Variants in CCDC180 observed in about 807,000 individuals in gnomAD.
The protein encoded by CCDC180 is coiled-coil domain containing 180.
A neutral mutation model predicts 209.2 loss-of-function variants in CCDC180; 154 were observed. That is an observed-to-expected ratio of 0.74 (90% CI 0.65 to 0.84). CCDC180 has a LOEUF of 0.84. Ranked by LOEUF, CCDC180 falls within the 40% of genes least tolerant of loss-of-function variation. The pLI is 0.00. For missense variants in CCDC180, 1,874 were observed against 1,997.3 expected, an observed-to-expected ratio of 0.94 and a Z score of 1.18; for synonymous variants, 778 against 749.1, an observed-to-expected ratio of 1.04 and a Z score of -0.63.
chr9:97,317,235 G>T lies in CCDC180; in HGVS notation c.959+7G>T. The T allele has an allele frequency of 6.4e-7, 1 of 1,572,782 alleles. No homozygotes were observed. Among genetic ancestry groups the T allele is most frequent in the Non-Finnish European group, 8.7e-7 (1 of 1,151,690 alleles). On this transcript the variant is annotated splice_region_variant and intron_variant, in intron 9 of 36. Transcript: ENST00000529487. ...CCCTGCTGCAGAGTTTCAGGTCAGT[G>T]CCGCCCACACAGCTCCTTCTCCAGC...
chr9:97,344,952 T>C (rs961704142), intron 19 of CCDC180, among the ~76,000 whole-genome samples: 5 of 152,222 alleles, frequency 3.3e-5, no homozygotes, highest in Non-Finnish European at 7.3e-5. Context: ...TGCTTATTTT[T>C]TCACTTTATC....
rs769399648 is a variant in CCDC180, at chr9:97,330,480, TC to T, written c.1989del (p.Phe664SerfsTer2). 1 of 1,613,878 alleles carries T rather than the reference TC, an allele frequency of 6.2e-7. No individual in the cohort carries two copies. The highest frequency in any genetic ancestry group is 1.1e-5 in the South Asian group (1 of 91,060). On this transcript the variant is annotated frameshift_variant, in exon 18 of 37. Coordinates refer to ENST00000529487, the MANE Select transcript of CCDC180 (RefSeq NM_020893.6). LOFTEE classifies it high-confidence loss of function. The stretch of plus-strand genomic sequence containing the variant: ...AGAAGAAAACGATCAAGAAATGGAG[TC>T]CTTCATAACTGAAGAGGTGCTGGGG... The part of the protein sequence containing the change: ...VEEENDQEME[S>X]FITEEVLGQQ...
chr9:97,308,088 CA>C lies in CCDC180; in HGVS notation c.26del (p.Gln9ArgfsTer34). On this transcript the variant is annotated frameshift_variant, in exon 2 of 37. Coordinates refer to ENST00000529487, the MANE Select transcript of CCDC180 (RefSeq NM_020893.6). LOFTEE classifies it high-confidence loss of function. ...GATGTCGTCAGTGGGGAAGGTGACC[CA>C]GGTTCCGAATGGGAAAGCCTACCAG... MSSVGKVT[Q>X]VPNGKAYQQI... 6.2e-7 allele frequency: 1 copy of C among 1,613,106 alleles called. No homozygotes were observed. Among genetic ancestry groups the C allele is most frequent in the Non-Finnish European group, 8.5e-7 (1 of 1,179,582 alleles).
At chr9:97,325,315 A>C in intron 14 of CCDC180, 123 bp downstream of exon 14, 1 of 1,027,500 alleles carries the variant, frequency 9.7e-7, no homozygotes, top group Non-Finnish European at 1.4e-6. Flanking sequence ...ATTGAGGCTC[A>C]CGTTGGTCAT....
At chr9:97,370,914 T>C in intron 33 of CCDC180, 136 bp downstream of exon 33, 1 of 676,378 alleles carries the variant, frequency 1.5e-6, no homozygotes, top group Non-Finnish European at 2.3e-6. Flanking sequence ...GTTTTGTAGG[T>C]AAAAATGGCC....
chr9:97,354,430 GCTAT>G, intron 22 of CCDC180, 135 bp from the exon 23 acceptor site: 1 of 817,832 alleles, frequency 1.2e-6, no homozygotes, highest in Non-Finnish European at 1.9e-6. Context: ...CTGTCCTTAA[GCTAT>G]CTGTGTTCAT....
In CCDC180 at chr9:97,323,337, A is replaced by G. The variant is rs76140201; in HGVS notation, c.1248+416A>G. Among the ~76,000 whole-genome samples the G allele has an allele frequency of 7.6e-3, 1,157 of 152,066 alleles. 26 individuals carry two copies. The highest frequency in any genetic ancestry group is 0.027 in the African/African-American group (1,102 of 41,458). ...AGGTCATGTCCTGGGGGTTATTGCA[A>G]TGCGCCCCCTTCATAGATAGGCCTG... On this transcript the variant is annotated intron_variant, in intron 12 of 36. Transcript: ENST00000529487.
At chr9:97,346,194 G>A (rs1407574319) in intron 19 of CCDC180, among the ~76,000 whole-genome samples, 3 of 152,098 alleles carry the variant, frequency 2.0e-5, no homozygotes, top group Non-Finnish European at 4.4e-5. Flanking sequence ...ATGACTTCAC[G>A]CTGCTTTATT....
chr9:97,347,465 A>G lies in CCDC180; in HGVS notation c.2650A>G (p.Lys884Glu), dbSNP rs185827244. ...CCAGCCAAGAGCCCAGCAGATTGAA[A>G]AAGACATCCACAACGTCAGGGCAGG... The part of the protein sequence containing the change: ...LHQPRAQQIE[K>E]DIHNVRAAEL... Residue 884 changes from lysine (K) to glutamate (E), a missense_variant, in exon 20 of 37, where the codon AAA (lysine) becomes GAA (glutamate). Coordinates refer to ENST00000529487, the MANE Select transcript of CCDC180 (RefSeq NM_020893.6). 3.3e-5 allele frequency: 50 copies of G among 1,536,134 alleles called. No homozygotes were observed. The highest frequency in any genetic ancestry group is 1.8e-4 in the Admixed American group (9 of 51,002).
chr9:97,325,357 G>C, intron 14 of CCDC180, among the ~76,000 whole-genome samples, 165 bp downstream of exon 14: 1 of 152,168 alleles, frequency 6.6e-6, no homozygotes, highest in East Asian at 1.9e-4. Context: ...AAATCTCCTG[G>C]AACCAAATGT....
Position 97,366,204 on chromosome 9 carries a change from C to T in CCDC180, c.4048-355C>T, listed in dbSNP as rs564066458. On this transcript the variant is annotated intron_variant, in intron 30 of 36. Transcript: ENST00000529487. This position sits in a 1 kb window ranked among gnomAD's most constrained non-coding sequence, Gnocchi z 4.3. Reference sequence around the variant, plus strand: ...CTCCTTCAGGGCAGGGTCCCTGGCTCGCCCGTCTTTGTGGCCTGCAGCCTA... The same window carrying T: ...CTCCTTCAGGGCAGGGTCCCTGGCTTGCCCGTCTTTGTGGCCTGCAGCCTA... 4.6e-5 allele frequency among the ~76,000 whole-genome samples: 7 copies of T among 152,372 alleles called. No homozygotes were observed. The South Asian group carries it at 8.3e-4, about 18-fold the overall frequency.
Position 97,376,874 on chromosome 9 carries a change from A to T in CCDC180, c.4954A>T (p.Ile1652Phe), listed in dbSNP as rs567880981. The T allele has an allele frequency of 6.2e-7, 1 of 1,612,424 alleles. No individual in the cohort carries two copies. The highest frequency in any genetic ancestry group is 1.3e-5 in the African/African-American group (1 of 75,002). ...KDSWKQSLHT[I>F]QGLYV The stretch of plus-strand genomic sequence containing the variant: ...CAGCTGGAAGCAGTCCCTGCACACT[A>T]TCCAAGGCCTGTATGTGTGACCCTC... Residue 1652 changes from isoleucine (I) to phenylalanine (F), a missense_variant, in exon 37 of 37, where the codon ATC becomes TTC. Physicochemically the swap from Ile to Phe is conservative, Grantham distance 21. Transcript: ENST00000529487.
intron 17 of CCDC180, 37 bp from the exon 18 acceptor site, chr9:97,330,285 T>C (rs1482636310): frequency 1.9e-6 from 3 of 1,612,074 alleles, no homozygotes; most frequent in Middle Eastern, 1.6e-4. Context: ...CATCAGTAAA[T>C]TGTCTCTCCT....
intron 21 of CCDC180, among the ~76,000 whole-genome samples, chr9:97,349,646 A>G (rs1048557156): frequency 6.6e-6 from 1 of 152,324 alleles, no homozygotes; most frequent in South Asian, 2.1e-4. Context: ...CCCTGAATGG[A>G]GAAAGATGGG....
chr9:97,321,902 G>A (rs1012354824), intron 11 of CCDC180, among the ~76,000 whole-genome samples: 1 of 152,206 alleles, frequency 6.6e-6, no homozygotes, highest in African/African-American at 2.4e-5. Flanking sequence ...AGACAGGGCT[G>A]GGGCCTTTGG....
Position 97,354,981 on chromosome 9 carries a change from G to A in CCDC180, c.3237G>A (p.Thr1079=), listed in dbSNP as rs773062164. Residue 1079 remains threonine, a synonymous_variant, in exon 24 of 37, where the codon ACG becomes ACA. Transcript: ENST00000529487. ...TAGAGAAAATCCAGCGGTTGCTGACGAATCTGCAAGTGAAAATCAAGTGCC... is the reference window on the plus strand; with the variant it reads ...TAGAGAAAATCCAGCGGTTGCTGACAAATCTGCAAGTGAAAATCAAGTGCC... The part of the protein sequence containing the change: ...IFIEKIQRLL[T]NLQVKIKCQV... The A allele has an allele frequency of 5.0e-6, 8 of 1,612,650 alleles. No individual in the cohort carries two copies. The highest frequency in any genetic ancestry group is 1.3e-5 in the African/African-American group (1 of 74,998).
intron 8 of CCDC180, 36 bp from the exon 9 acceptor site, chr9:97,317,029 T>G: frequency 6.4e-7 from 1 of 1,568,818 alleles, no homozygotes; most frequent in African/African-American, 1.3e-5. Context: ...AGAGAGACCC[T>G]GCCCTGTCTA....
intron 32 of CCDC180, 27 bp from the exon 33 acceptor site, chr9:97,370,614 A>C: frequency 6.2e-7 from 1 of 1,611,016 alleles, no homozygotes; most frequent in Non-Finnish European, 8.5e-7. Context: ...TAACATTGCC[A>C]CTGAATTCTG....
In CCDC180 at chr9:97,356,627, G is replaced by A. The variant is rs146143456; in HGVS notation, c.3265-1000G>A. Among the ~76,000 whole-genome samples the A allele has an allele frequency of 9.8e-4, 149 of 152,298 alleles. 1 individual carries two copies. The East Asian group carries it at 0.023, about 23-fold the overall frequency. Reference sequence around the variant, plus strand: ...AGCAGAGCCCACGGCTCCAGGGCATGTCACCACACTCTTGTTTGAGGAGTA... The same window carrying A: ...AGCAGAGCCCACGGCTCCAGGGCATATCACCACACTCTTGTTTGAGGAGTA... On this transcript the variant is annotated intron_variant, in intron 24 of 36. Coordinates refer to ENST00000529487, the MANE Select transcript of CCDC180 (RefSeq NM_020893.6).
Sources: allele counts gnomAD v4.1 joint callset (sites outside exome capture counted in the v4.1 genomes callset), GRCh38; gene constraint gnomAD v4.1.1; non-coding constraint Gnocchi (gnomAD v3.1); transcripts MANE v1.5; gene names NCBI Gene and HGNC (gene_info 2026-07-23, HGNC 2026-07-21).